Variants in OR5V1 observed in about 807,000 individuals in gnomAD.
OR5V1 encodes olfactory receptor 5V1.
For synonymous variants in OR5V1, 134 were observed against 143.2 expected, an observed-to-expected ratio of 0.94 and a Z score of 0.46; for missense variants, 365 against 371.5, an observed-to-expected ratio of 0.98 and a Z score of 0.14.
rs972169912 is a variant in OR5V1, at chr6:29,365,715, A to T, written c.-83+2917T>A. ...TTTTACATTGTTGATGGGAGTGTAA[A>T]TTAGTTCAACCATTGTGGAAGGCAG... is the stretch of plus-strand genomic sequence containing the variant. On this transcript the variant is annotated intron_variant, in intron 1 of 1. Transcript: ENST00000641768. Among the ~76,000 whole-genome samples, 3 of 152,220 alleles carry T rather than the reference A, an allele frequency of 2.0e-5. No individual in the cohort carries two copies. The South Asian group carries it at 6.2e-4, about 32-fold the overall frequency.
rs34270802 is a variant in OR5V1 at position 29,366,325 on chromosome 6, TAA to T, written c.-83+2305_-83+2306del. ...TCCCTGAACTTAAAGTAAAGTATAT[TAA>T]AAAAAAAAAAAAAAAAAGGAAATCC... On this transcript the variant is annotated intron_variant, in intron 1 of 1. Coordinates refer to ENST00000641768, the MANE Select transcript of OR5V1 (RefSeq NM_030876.6). Among the ~76,000 whole-genome samples the T allele has an allele frequency of 7.1e-3, 887 of 125,658 alleles. 8 individuals carry two copies. Among genetic ancestry groups the T allele is most frequent in the Non-Finnish European group, 0.011 (660 of 61,718 alleles). 82.4% of individuals were successfully genotyped at this position (125,658 alleles called of 152,430 possible). A position where few individuals can be genotyped will look rare whatever the true frequency, so the allele number is the denominator to read the frequency against.
intron 1 of OR5V1, among the ~76,000 whole-genome samples, chr6:29,362,039 C>G (rs1411824347): frequency 6.6e-6 from 1 of 151,862 alleles, no homozygotes; most frequent in African/African-American, 2.4e-5. Flanking sequence ...TTCAGGAGAC[C>G]CATCTCATGT....
intron 1 of OR5V1, among the ~76,000 whole-genome samples, chr6:29,358,289 T>C (rs1037783867): frequency 6.6e-6 from 1 of 152,172 alleles, no homozygotes; most frequent in African/African-American, 2.4e-5. Flanking sequence ...GAATTAACCC[T>C]TCTACTCATT....
intron 1 of OR5V1, among the ~76,000 whole-genome samples, chr6:29,367,204 T>A (rs1253991573): frequency 6.6e-6 from 1 of 152,200 alleles, no homozygotes; most frequent in East Asian, 1.9e-4. Flanking sequence ...AATCTACATA[T>A]TTTTAAAGCT....
chr6:29,365,031 A>T (rs1778781410), intron 1 of OR5V1, among the ~76,000 whole-genome samples: 1 of 152,092 alleles, frequency 6.6e-6, no homozygotes. Context: ...CAAACCTGAC[A>T]AAAACAAGCA....
Position 29,365,881 on chromosome 6 carries a change from G to A in OR5V1, c.-83+2751C>T, listed in dbSNP as rs1483986365. Among the ~76,000 whole-genome samples the A allele has an allele frequency of 2.0e-5, 3 of 152,074 alleles. No homozygotes were observed. In the East Asian group the frequency reaches 5.8e-4, roughly 29 times the overall value. On this transcript the variant is annotated intron_variant, in intron 1 of 1. Transcript: ENST00000641768. ...TAGGTTTATTGTGGCATTATTTAAA[G>A]TAGCAAAGACTTGGAACCAACACAA...
At chr6:29,360,324 G>T (rs988638153) in intron 1 of OR5V1, among the ~76,000 whole-genome samples, 2 of 152,250 alleles carry the variant, frequency 1.3e-5, no homozygotes, top group Admixed American at 6.5e-5. Context: ...GGAAGGGGCA[G>T]CTGTGGGCGC....
intron 1 of OR5V1, 92 bp downstream of exon 1, chr6:29,368,540 G>C (rs1778971213): frequency 6.6e-6 from 1 of 152,088 alleles, no homozygotes; most frequent in African/African-American, 2.4e-5. Flanking sequence ...CTCCTACACA[G>C]TTAGTCTCAT....
At chr6:29,366,387 G>A (rs1778858533) in intron 1 of OR5V1, among the ~76,000 whole-genome samples, 1 of 150,408 alleles carries the variant, frequency 6.6e-6, no homozygotes, top group Non-Finnish European at 1.5e-5. Flanking sequence ...TGGCCATGCT[G>A]AATTTGAGAT....
chr6:29,364,832 C>T (rs1778771780), intron 1 of OR5V1, among the ~76,000 whole-genome samples: 1 of 126,562 alleles, frequency 7.9e-6, no homozygotes, highest in African/African-American at 3.1e-5. Flanking sequence ...AAGAACAAAG[C>T]TGGAGGCATC....
At position 29,356,097 on chromosome 6, in the gene OR5V1, C is replaced by G; in HGVS notation, c.99G>C (p.Leu33=). Residue 33 remains leucine (L), a synonymous_variant, in exon 2 of 2, where the codon CTG becomes CTC. Coordinates refer to ENST00000641768, the MANE Select transcript of OR5V1 (RefSeq NM_030876.6). The part of the protein sequence containing the change: ...LQFLLFTIFF[L]TYFCTLGGNI... The stretch of plus-strand genomic sequence containing the variant: ...TTCCTCCCAAAGTACAGAAATAAGT[C>G]AGAAAGAAGATGGTGAATAGTAAAA... The G allele has an allele frequency of 6.2e-7, 1 of 1,613,820 alleles. No homozygotes were observed. The highest frequency in any genetic ancestry group is 8.5e-7 in the Non-Finnish European group (1 of 1,179,904).
chr6:29,366,748 T>A (rs1778875535), intron 1 of OR5V1, among the ~76,000 whole-genome samples: 2 of 152,268 alleles, frequency 1.3e-5, no homozygotes, highest in South Asian at 2.1e-4. Context: ...CCATTCCTCA[T>A]GAGAAAAGCT....
intron 1 of OR5V1, among the ~76,000 whole-genome samples, chr6:29,361,046 A>G (rs1214154900): frequency 6.6e-6 from 1 of 152,098 alleles, no homozygotes; most frequent in Non-Finnish European, 1.5e-5. Context: ...TTGACAAAAG[A>G]TTACAGGAAC....
At chr6:29,367,739 A>G (rs936943659) in intron 1 of OR5V1, among the ~76,000 whole-genome samples, 1 of 152,182 alleles carries the variant, frequency 6.6e-6, no homozygotes, top group Non-Finnish European at 1.5e-5. Flanking sequence ...ATTGTGCTAC[A>G]TGGGTCATTG....
chr6:29,363,132 A>T (rs965867213), intron 1 of OR5V1, among the ~76,000 whole-genome samples: 9 of 152,214 alleles, frequency 5.9e-5, no homozygotes, highest in African/African-American at 2.2e-4. Flanking sequence ...CACTGATCCC[A>T]CAGTAATAGA....
chr6:29,355,831 C>G lies in OR5V1; in HGVS notation c.365G>C (p.Arg122Pro). 1 of 1,613,972 alleles carries G rather than the reference C, an allele frequency of 6.2e-7. No homozygotes were observed. The highest frequency in any genetic ancestry group is 8.5e-7 in the Non-Finnish European group (1 of 1,179,948). ...TAAAGGATTGCAGATTGCAATGTAA[C>G]GATCATATGCCATTGCTGCCAGTAG... ...CLLLAAMAYD[R>P]YIAICNPLRY... Residue 122 changes from arginine (R) to proline (P), a missense_variant, in exon 2 of 2, where the codon CGT (arginine) becomes CCT (proline). Arg to Pro is a moderately radical substitution (Grantham distance 103, BLOSUM62 -2). Coordinates refer to ENST00000641768, the MANE Select transcript of OR5V1 (RefSeq NM_030876.6).
chr6:29,364,436 A>C (rs1778744410), intron 1 of OR5V1, among the ~76,000 whole-genome samples: 2 of 151,952 alleles, frequency 1.3e-5, no homozygotes, highest in South Asian at 4.2e-4. Flanking sequence ...CAGAACTAGA[A>C]AAAACGACTT....
Position 29,355,321 on chromosome 6 carries a change from A to C in OR5V1, c.875T>G (p.Leu292Trp), listed in dbSNP as rs1241468820. 1.9e-6 allele frequency: 3 copies of C among 1,613,780 alleles called. No homozygotes were observed. The highest frequency in any genetic ancestry group is 1.3e-5 in the African/African-American group (1 of 74,906). The stretch of plus-strand genomic sequence containing the variant: ...AGCTTCTTTGATGTCCTTATTCCTC[A>C]ATGTGTAAATTATAGGGTTTAGCAT... ...TPMLNPIIYT[L>W]RNKDIKEAVK... Residue 292 changes from leucine to tryptophan, a missense_variant, in exon 2 of 2, where the codon TTG becomes TGG. Physicochemically the swap from Leu to Trp is moderately conservative, Grantham distance 61. Coordinates refer to ENST00000641768, the MANE Select transcript of OR5V1 (RefSeq NM_030876.6).
At position 29,355,345 on chromosome 6, in the gene OR5V1, A is replaced by T. The variant is rs371595216; in HGVS notation, c.851T>A (p.Met284Lys). Residue 284 changes from methionine (M) to lysine (K), a missense_variant, in exon 2 of 2, where the codon ATG becomes AAG. Coordinates refer to ENST00000641768, the MANE Select transcript of OR5V1 (RefSeq NM_030876.6). Reference protein sequence around the residue: ...VSVLYSVVTPMLNPIIYTLRN... With the variant: ...VSVLYSVVTPKLNPIIYTLRN... ...CAATGTGTAAATTATAGGGTTTAGCATGGGGGTAACAACACTGTACAACAC... is the reference window on the plus strand; with the variant it reads ...CAATGTGTAAATTATAGGGTTTAGCTTGGGGGTAACAACACTGTACAACAC... The T allele has an allele frequency of 1.2e-6, 2 of 1,614,020 alleles. No homozygotes were observed. The highest frequency in any genetic ancestry group is 2.7e-5 in the African/African-American group (2 of 75,026).
Sources: gnomAD v4.1 joint callset for allele counts (sites outside exome capture counted in the v4.1 genomes callset) on GRCh38, gnomAD v4.1.1 for gene constraint, MANE v1.5 for transcripts, NCBI Gene and HGNC (gene_info 2026-07-23, HGNC 2026-07-21) for gene names.